SLC2A9: variants seen among roughly 807,000 people sequenced by gnomAD.
The protein encoded by SLC2A9 is solute carrier family 2 member 9.
A neutral mutation model predicts 50.6 loss-of-function variants in SLC2A9; 39 were observed. The ratio of observed to expected loss-of-function variants is 0.77; its 90% CI spans 0.60 to 1.01. The LOEUF (loss-of-function observed/expected upper bound fraction) is 1.01. SLC2A9 is among the 50% of genes least tolerant of loss of function. The pLI, the probability that SLC2A9 is intolerant of heterozygous loss-of-function variation, is 0.00. For synonymous variants in SLC2A9, 324 were observed against 276.9 expected, an observed-to-expected ratio of 1.17 and a Z score of -1.69; for missense variants, 686 against 677.6, an observed-to-expected ratio of 1.01 and a Z score of -0.14.
At chr4:9,827,465 T>C (rs887460438) in intron 11 of SLC2A9, among the ~76,000 whole-genome samples, 19 of 152,240 alleles carry the variant, frequency 1.2e-4, no homozygotes, top group African/African-American at 4.1e-4. Context: ...GGTGACACTG[T>C]CTTTGAATAA....
intron 10 of SLC2A9, among the ~76,000 whole-genome samples, chr4:9,844,699 A>G (rs1728670677): frequency 6.6e-6 from 1 of 152,272 alleles, no homozygotes; most frequent in South Asian, 2.1e-4. Context: ...TGGTGTCTAC[A>G]GTGAGGAACA....
intron 10 of SLC2A9, among the ~76,000 whole-genome samples, chr4:9,856,514 G>A (rs1444697217): frequency 6.6e-6 from 1 of 152,196 alleles, no homozygotes; most frequent in Non-Finnish European, 1.5e-5. Flanking sequence ...TATACTGTTG[G>A]TGGGAATGTG....
At chr4:9,823,996 G>A (rs962675690), downstream of SLC2A9, among the ~76,000 whole-genome samples, 4 of 152,186 alleles carry the variant, frequency 2.6e-5, no homozygotes, top group Non-Finnish European at 5.9e-5. Flanking sequence ...GGCTGCTGTG[G>A]TTTGAATGTC....
chr4:9,931,954 CTCTCTCTCTATATATATATA>C (rs1320889964), intron 6 of SLC2A9, among the ~76,000 whole-genome samples: 3 of 50,578 alleles, frequency 5.9e-5, no homozygotes, highest in African/African-American at 1.0e-4. Flanking sequence ...CTCTCTCTCT[CTCTCTCTCTATATATATATA>C]TATATATATA....
intron 5 of SLC2A9, among the ~76,000 whole-genome samples, chr4:9,962,674 C>T (rs762066987): frequency 2.0e-5 from 3 of 151,994 alleles, no homozygotes; most frequent in African/African-American, 4.8e-5. Context: ...CATGTTTACC[C>T]GTGTAACAAA....
At chr4:9,953,787 T>C (rs559008632) in intron 5 of SLC2A9, among the ~76,000 whole-genome samples, 87 of 127,984 alleles carry the variant, frequency 6.8e-4, no homozygotes, top group African/African-American at 2.8e-3. Context: ...CGTGCCCAGC[T>C]AAATTTTGTT....
At chr4:9,990,849 G>A (rs544017633) in intron 3 of SLC2A9, among the ~76,000 whole-genome samples, 17 of 152,258 alleles carry the variant, frequency 1.1e-4, no homozygotes, top group Middle Eastern at 3.4e-3. Flanking sequence ...ACTATGCTTA[G>A]AAGACTAGTC....
intron 5 of SLC2A9, among the ~76,000 whole-genome samples, chr4:9,950,786 G>C (rs540009497): frequency 1.8e-5 from 1 of 54,170 alleles, no homozygotes; most frequent in South Asian, 5.2e-4. Context: ...TCAGCTACTC[G>C]GGAGGCTGAG....
chr4:9,935,227 C>A (rs538048940), intron 6 of SLC2A9, among the ~76,000 whole-genome samples: 18 of 152,330 alleles, frequency 1.2e-4, no homozygotes, highest in African/African-American at 3.6e-4. Context: ...CTTGAGGAAT[C>A]ACCACACTGC....
intron 6 of SLC2A9, among the ~76,000 whole-genome samples, chr4:9,925,513 AC>A (rs1744736576): frequency 6.6e-6 from 1 of 151,992 alleles, no homozygotes; most frequent in African/African-American, 2.4e-5. Flanking sequence ...CTGCTAAAAG[AC>A]CCCAGACTAG....
intron 6 of SLC2A9, chr4:9,924,070 C>T (rs985084596): frequency 6.6e-6 from 1 of 152,106 alleles, no homozygotes; most frequent in African/African-American, 2.4e-5. Context: ...TTCTGAGACC[C>T]CTGAAGGTGC....
intron 3 of SLC2A9, among the ~76,000 whole-genome samples, chr4:9,991,799 C>T (rs1757759053): frequency 6.6e-6 from 1 of 152,174 alleles, no homozygotes; most frequent in Non-Finnish European, 1.5e-5. Context: ...GGAGAGAAGC[C>T]TCGGGAGGAA....
intron 10 of SLC2A9, among the ~76,000 whole-genome samples, chr4:9,854,530 T>TAAAA (rs1287187486): frequency 2.0e-5 from 3 of 152,144 alleles, no homozygotes; most frequent in Non-Finnish European, 1.5e-5. Context: ...ACCAGATGCA[T>TAAAA]AAAGAAGAGC....
intron 7 of SLC2A9, among the ~76,000 whole-genome samples, chr4:9,914,577 G>C (rs561595181): frequency 9.2e-5 from 14 of 152,276 alleles, no homozygotes; most frequent in Admixed American, 5.2e-4. Context: ...TGAAGCTCTG[G>C]TCCCTGGTGG....
chr4:9,783,022 C>T (rs1560112874), intron 3 of SLC2A9: 10 of 1,614,226 alleles, frequency 6.2e-6, no homozygotes, highest in Non-Finnish European at 7.6e-6. Context: ...GCCCTCCGGC[C>T]GGCTTCCCCT....
chr4:10,003,771 G>T (rs1327829787), intron 2 of SLC2A9, among the ~76,000 whole-genome samples: 1 of 152,214 alleles, frequency 6.6e-6, no homozygotes, highest in Non-Finnish European at 1.5e-5. Flanking sequence ...CAGAATGGGT[G>T]CTTAAATAAG....
At chr4:9,846,502 G>C (rs1054959784) in intron 10 of SLC2A9, among the ~76,000 whole-genome samples, 1 of 152,154 alleles carries the variant, frequency 6.6e-6, no homozygotes, top group African/African-American at 2.4e-5. Flanking sequence ...GCAGAGCCTT[G>C]ACTCACCCTG....
intron 10 of SLC2A9, among the ~76,000 whole-genome samples, chr4:9,863,951 G>C (rs936649482): frequency 1.3e-5 from 2 of 152,060 alleles, no homozygotes; most frequent in African/African-American, 4.8e-5. Flanking sequence ...ATCAAAGACT[G>C]TGATGCCTGC....
intron 3 of SLC2A9, among the ~76,000 whole-genome samples, chr4:9,812,537 C>G (rs1723026538): frequency 6.6e-6 from 1 of 150,874 alleles, no homozygotes; most frequent in African/African-American, 2.4e-5. Flanking sequence ...TAAGCCCTTT[C>G]TAACATACCT....
Sources: allele counts gnomAD v4.1 joint callset (sites outside exome capture counted in the v4.1 genomes callset), GRCh38; gene constraint gnomAD v4.1.1; transcripts MANE v1.5; gene names NCBI Gene and HGNC (gene_info 2026-07-23, HGNC 2026-07-21).